ADRA1D: variants seen among roughly 807,000 people sequenced by gnomAD.
The protein encoded by ADRA1D is alpha-1D adrenergic receptor.
ADRA1D carries 22 observed loss-of-function variants against 18.6 expected under a neutral mutation model. That is an observed-to-expected ratio of 1.19 (90% confidence interval 0.85 to 1.69). The LOEUF (loss-of-function observed/expected upper bound fraction) is 1.69. ADRA1D is among the 40% of genes most tolerant of loss of function. The probability of loss-of-function intolerance (pLI) is 0.00; values close to 1 mark genes in which losing one functional copy is unlikely to be tolerated. For missense variants in ADRA1D, 840 were observed against 840.7 expected, an observed-to-expected ratio of 1.00 and a Z score of 0.01; for synonymous variants, 376 against 388.2, an observed-to-expected ratio of 0.97 and a Z score of 0.37.
At chr20:4,241,180 A>G (rs1477640759) in intron 1 of ADRA1D, among the ~76,000 whole-genome samples, 1 of 152,144 alleles carries the variant, frequency 6.6e-6, no homozygotes, top group Non-Finnish European at 1.5e-5. Flanking sequence ...TTCCACTTAC[A>G]TGGGGGTCTC....
chr20:4,248,705 C>T lies in ADRA1D; in HGVS notation c.253G>A (p.Ala85Thr). 2 of 1,570,464 alleles carry T rather than the reference C, an allele frequency of 1.3e-6. No individual in the cohort carries two copies. Among genetic ancestry groups the T allele is most frequent in the Non-Finnish European group, 1.7e-6 (2 of 1,158,906 alleles). The change falls in exon 1 of 2, where the codon GCG becomes ACG. Residue 85 changes from alanine to threonine, a missense_variant. Transcript: ENST00000379453. ...CTCACCACCAGTCCCCCGACGGCCG[C>T]CGTGCCATTCACGTCGCCGCCCGCG... ...AGAGGDVNGT[A>T]AVGGLVVSAQ...
chr20:4,225,247 C>G (rs1449340163), intron 1 of ADRA1D, among the ~76,000 whole-genome samples: 9 of 151,738 alleles, frequency 5.9e-5, no homozygotes, highest in Admixed American at 5.9e-4. Flanking sequence ...GATCTGCCTG[C>G]CTCAGCCTCC....
rs1000107007 is a variant in ADRA1D, at chr20:4,248,985, C to A, written c.-28G>T. 2.3e-5 allele frequency: 30 copies of A among 1,313,030 alleles called. No homozygotes were observed. The highest frequency in any genetic ancestry group is 2.7e-5 in the Non-Finnish European group (28 of 1,020,388). 81.3% of individuals were successfully genotyped at this position (1,313,030 alleles called of 1,614,324 possible). On this transcript the variant is annotated 5_prime_UTR_variant, in exon 1 of 2. Coordinates refer to ENST00000379453, the MANE Select transcript of ADRA1D (RefSeq NM_000678.4). Reference sequence around the variant, plus strand: ...CAACGCGCGGCCGTCGGTGGCCGGGCCGGGGCACAGAACGAGCGGCCGGCA... The same window carrying A: ...CAACGCGCGGCCGTCGGTGGCCGGGACGGGGCACAGAACGAGCGGCCGGCA...
chr20:4,225,190 C>T (rs1382742131), intron 1 of ADRA1D, among the ~76,000 whole-genome samples: 3 of 151,324 alleles, frequency 2.0e-5, no homozygotes, highest in Non-Finnish European at 2.9e-5. Context: ...TTAGTAGAGA[C>T]GGGGTTTCAC....
rs756613358 is a variant in ADRA1D at position 4,248,594 on chromosome 20, C to A, written c.364G>T (p.Ala122Ser). The A allele has an allele frequency of 7.4e-6, 12 of 1,613,452 alleles. No individual in the cohort carries two copies. The highest frequency in any genetic ancestry group is 7.6e-6 in the Non-Finnish European group (9 of 1,179,946). The change falls in exon 1 of 2, where the codon GCC becomes TCC. Residue 122 changes from alanine (A) to serine (S), a missense_variant. Transcript: ENST00000379453. Reference protein sequence around the residue: ...AGNLLVILSVACNRHLQTVTN... With the variant: ...AGNLLVILSVSCNRHLQTVTN... ...ACGGTCTGCAGGTGGCGGTTGCAGG[C>A]CACTGAGAGGATGACAAGCAGGTTA...
At chr20:4,229,151 T>A (rs1435146364) in intron 1 of ADRA1D, among the ~76,000 whole-genome samples, 1 of 152,206 alleles carries the variant, frequency 6.6e-6, no homozygotes, top group Non-Finnish European at 1.5e-5. Flanking sequence ...TGCAGTTTCC[T>A]GTCTTTGCAT....
Position 4,227,926 on chromosome 20 carries a change from C to T in ADRA1D, c.1112-5796G>A, listed in dbSNP as rs370771924. Among the ~76,000 whole-genome samples, 275 of 142,086 alleles carry T rather than the reference C, an allele frequency of 1.9e-3. 3 individuals are homozygous for T. Among genetic ancestry groups the T allele is most frequent in the African/African-American group, 6.4e-3 (260 of 40,592 alleles). 93.2% of individuals were successfully genotyped at this position (142,086 alleles called of 152,430 possible). A position where few individuals can be genotyped will look rare whatever the true frequency, so the allele number is the denominator to read the frequency against. ...CTGGCCCCTGCAGTGCCTTTCTAAG[C>T]GGCCTTCCTGCTCCTGCCTTGTGCC... On this transcript the variant is annotated intron_variant, in intron 1 of 1. Transcript: ENST00000379453.
At chr20:4,240,826 C>T (rs1981194468) in intron 1 of ADRA1D, among the ~76,000 whole-genome samples, 2 of 152,080 alleles carry the variant, frequency 1.3e-5, no homozygotes, top group Admixed American at 1.3e-4. Flanking sequence ...AAAGAATCTA[C>T]AGTGATGGGA....
rs1193842018 is a variant in ADRA1D, at chr20:4,239,439, T to C, written c.1111+8408A>G. Among the ~76,000 whole-genome samples the C allele has an allele frequency of 6.6e-6, 1 of 152,214 alleles. No homozygotes were observed. Reference sequence around the variant, plus strand: ...AAATAAAATGTACTTCCTAGATCTGTCCATTGAATCAGTGACCAACTCAGT... The same window carrying C: ...AAATAAAATGTACTTCCTAGATCTGCCCATTGAATCAGTGACCAACTCAGT... On this transcript the variant is annotated intron_variant, in intron 1 of 1. Transcript: ENST00000379453. This position sits in a 1 kb window ranked among gnomAD's most constrained non-coding sequence, Gnocchi z 4.9.
rs1031892554 is a variant in ADRA1D, at chr20:4,246,737, A to G, written c.1111+1110T>C. ...GAAGGTCACCCTCTCATAGGTGATG[A>G]TAGAGAGTTTGGATTTTGTTCTCAG... On this transcript the variant is annotated intron_variant, in intron 1 of 1. Coordinates refer to ENST00000379453, the MANE Select transcript of ADRA1D (RefSeq NM_000678.4). Among the ~76,000 whole-genome samples the G allele has an allele frequency of 1.7e-4, 26 of 152,236 alleles. 1 individual carries two copies. Among genetic ancestry groups the G allele is most frequent in the South Asian group, 6.2e-4 (3 of 4,834 alleles).
At position 4,248,798 on chromosome 20, in the gene ADRA1D, C is replaced by G; in HGVS notation, c.160G>C (p.Gly54Arg). The G allele has an allele frequency of 3.5e-6, 4 of 1,145,572 alleles. No individual in the cohort carries two copies. The highest frequency in any genetic ancestry group is 4.3e-6 in the Non-Finnish European group (4 of 933,910). 71.0% of individuals were successfully genotyped at this position (1,145,572 alleles called of 1,614,324 possible). The change falls in exon 1 of 2, where the codon GGC (glycine) becomes CGC (arginine). Residue 54 changes from glycine (G) to arginine (R), a missense_variant. Coordinates refer to ENST00000379453, the MANE Select transcript of ADRA1D (RefSeq NM_000678.4). ...GGVPGGAGGG[G>R]GVVGAGSGED... is the part of the protein sequence containing the mutation. ...CCGCTGCCTGCGCCCACCACGCCGCCGCCGCCGCCCGCGCCCCCCGGCACG... is the reference window on the plus strand; with the variant it reads ...CCGCTGCCTGCGCCCACCACGCCGCGGCCGCCGCCCGCGCCCCCCGGCACG...
chr20:4,234,536 T>A (rs1981045089), intron 1 of ADRA1D, among the ~76,000 whole-genome samples: 2 of 152,132 alleles, frequency 1.3e-5, no homozygotes, highest in South Asian at 4.2e-4. Context: ...AAATACCCCA[T>A]CCTTCTAGAT....
At chr20:4,243,252 C>G (rs1302784696) in intron 1 of ADRA1D, among the ~76,000 whole-genome samples, 1 of 152,180 alleles carries the variant, frequency 6.6e-6, no homozygotes, top group Non-Finnish European at 1.5e-5. Context: ...CCGCCGCAGC[C>G]ACGCCCCCTC....
intron 1 of ADRA1D, among the ~76,000 whole-genome samples, chr20:4,237,188 C>T (rs1475638882): frequency 1.3e-5 from 2 of 151,682 alleles, no homozygotes; most frequent in East Asian, 3.9e-4. Flanking sequence ...TATTAAGGGT[C>T]ATAAGAAGAA....
At chr20:4,238,979 G>C (rs1462572361) in intron 1 of ADRA1D, among the ~76,000 whole-genome samples, 1 of 152,042 alleles carries the variant, frequency 6.6e-6, no homozygotes, top group African/African-American at 2.4e-5. Context: ...GCTTGGTCAA[G>C]GCTGGGGTTG....
intron 1 of ADRA1D, among the ~76,000 whole-genome samples, chr20:4,236,794 G>T (rs1299931066): frequency 2.0e-5 from 3 of 152,152 alleles, no homozygotes; most frequent in Non-Finnish European, 4.4e-5. Context: ...AGAAGCGGCA[G>T]TCGGACCATT....
intron 1 of ADRA1D, among the ~76,000 whole-genome samples, chr20:4,241,762 C>G (rs1050007953): frequency 6.6e-6 from 1 of 152,132 alleles, no homozygotes; most frequent in Non-Finnish European, 1.5e-5. Flanking sequence ...AGCACCTGGC[C>G]GACTCTCAGA....
chr20:4,236,500 T>C (rs1032736223), intron 1 of ADRA1D, among the ~76,000 whole-genome samples: 2 of 152,126 alleles, frequency 1.3e-5, no homozygotes, highest in Non-Finnish European at 2.9e-5. Context: ...CAGACAGAGA[T>C]GCCACTTGCC....
At chr20:4,245,401 A>T (rs919624362) in intron 1 of ADRA1D, among the ~76,000 whole-genome samples, 4 of 152,238 alleles carry the variant, frequency 2.6e-5, no homozygotes, top group Non-Finnish European at 4.4e-5. Flanking sequence ...ACATCTGTAT[A>T]AGAGTGATAT....
Sources: gnomAD v4.1 joint callset for allele counts (sites outside exome capture counted in the v4.1 genomes callset) on GRCh38, gnomAD v4.1.1 for gene constraint, Gnocchi (gnomAD v3.1) non-coding constraint, MANE v1.5 for transcripts, NCBI Gene and HGNC (gene_info 2026-07-23, HGNC 2026-07-21) for gene names.